CDC5L: variants seen among roughly 807,000 people sequenced by gnomAD.
CDC5L encodes the protein cell division cycle 5-like protein.
In CDC5L, 18 loss-of-function variants were observed where a neutral mutation model predicts 104.1. The ratio of observed to expected loss-of-function variants is 0.17; its 90% CI spans 0.12 to 0.26. The LOEUF is 0.26. Ranked by LOEUF, CDC5L falls within the 10% of genes least tolerant of loss-of-function variation. The pLI, the probability that CDC5L is intolerant of heterozygous loss-of-function variation, is 1.00. For missense variants in CDC5L, 673 were observed against 956.9 expected (o/e 0.70, Z 3.91); for synonymous variants, 331 against 322.7 (o/e 1.03, Z -0.28).
chr6:44,399,843 C>T (rs1028127398), intron 5 of CDC5L, among the ~76,000 whole-genome samples: 3 of 151,852 alleles, frequency 2.0e-5, no homozygotes, highest in Non-Finnish European at 4.4e-5. Flanking sequence ...TTAGTAGAGA[C>T]GGTTTCACCA....
chr6:44,443,539 T>C (rs1364397315), intron 14 of CDC5L, among the ~76,000 whole-genome samples: 5 of 151,720 alleles, frequency 3.3e-5, no homozygotes, highest in Non-Finnish European at 7.4e-5. Flanking sequence ...TTATTTTTTC[T>C]TTTTGCTCCT....
rs76639349 is a variant in CDC5L at position 44,390,183 on chromosome 6, A to G, written c.46-85A>G. On this transcript the variant is annotated intron_variant, in intron 1 of 15. Transcript: ENST00000371477. The stretch of plus-strand genomic sequence containing the variant: ...TGCATGTTATATGTCTCTTTCTCCA[A>G]TAGCCCTATCAGAGTTAATTTAAAT... 234 of 784,366 alleles carry G rather than the reference A, an allele frequency of 3.0e-4. 2 individuals carry two copies. The East Asian group carries it at 5.2e-3, about 17-fold the overall frequency. 48.6% of individuals were successfully genotyped at this position (784,366 alleles called of 1,614,324 possible). A position where few individuals can be genotyped will look rare whatever the true frequency, so the allele number is the denominator to read the frequency against.
chr6:44,424,757 TACTC>T (rs771446032), intron 11 of CDC5L, among the ~76,000 whole-genome samples, 174 bp downstream of exon 11: 29 of 152,346 alleles, frequency 1.9e-4, no homozygotes, highest in African/African-American at 5.8e-4. Context: ...ATAATTAACA[TACTC>T]ACAATATTTT....
chr6:44,411,637 A>AGAGAGAGAGAGAGAGTGTGTGT, intron 8 of CDC5L, among the ~76,000 whole-genome samples: 1 of 123,642 alleles, frequency 8.1e-6, no homozygotes, highest in African/African-American at 3.0e-5. Context: ...AGAGAGAGAG[A>AGAGAGAGAGAGAGAGTGTGTGT]GTGTGTGTGT....
intron 13 of CDC5L, among the ~76,000 whole-genome samples, chr6:44,428,574 A>G (rs553342210): frequency 1.3e-5 from 2 of 152,264 alleles, no homozygotes; most frequent in East Asian, 3.9e-4. Flanking sequence ...CAGCATCATC[A>G]TTGCTTGGAA....
chr6:44,446,500 C>G (rs1793459181), intron 15 of CDC5L, 107 bp from the exon 16 acceptor site: 1 of 521,420 alleles, frequency 1.9e-6, no homozygotes, highest in Admixed American at 3.6e-5. Context: ...ATATTTAACT[C>G]TTAAGAATCA....
At chr6:44,419,906 G>C (rs1337524874) in intron 9 of CDC5L, among the ~76,000 whole-genome samples, 1 of 152,106 alleles carries the variant, frequency 6.6e-6, no homozygotes, top group Non-Finnish European at 1.5e-5. Flanking sequence ...CTGAGTAGCT[G>C]GGATTACAGA....
At chr6:44,406,723 G>C (rs763813216) in intron 7 of CDC5L, among the ~76,000 whole-genome samples, 1 of 152,114 alleles carries the variant, frequency 6.6e-6, no homozygotes, top group Non-Finnish European at 1.5e-5. Context: ...AGGAGTTCCT[G>C]CCCAGCATGG....
At chr6:44,446,029 C>T (rs1255931349) in intron 15 of CDC5L, among the ~76,000 whole-genome samples, 162 bp downstream of exon 15, 1 of 152,148 alleles carries the variant, frequency 6.6e-6, no homozygotes, top group Non-Finnish European at 1.5e-5. Flanking sequence ...AGAATTGCCT[C>T]TGTGTAGATG....
intron 5 of CDC5L, among the ~76,000 whole-genome samples, chr6:44,398,370 C>T (rs1790967876): frequency 1.3e-5 from 2 of 152,176 alleles, no homozygotes; most frequent in African/African-American, 4.8e-5. Flanking sequence ...GCCAGGGACA[C>T]AGCAAATGCA....
At chr6:44,435,302 T>C (rs998395364) in intron 14 of CDC5L, among the ~76,000 whole-genome samples, 2 of 151,964 alleles carry the variant, frequency 1.3e-5, no homozygotes, top group African/African-American at 4.8e-5. Context: ...CTTATAGTTT[T>C]ATAGCTTGTT....
intron 14 of CDC5L, among the ~76,000 whole-genome samples, chr6:44,433,251 G>A (rs1012964361): frequency 2.0e-5 from 3 of 152,182 alleles, no homozygotes; most frequent in Non-Finnish European, 4.4e-5. Context: ...CAAGTTCTCT[G>A]TGTTTGTGGG....
chr6:44,417,307 T>C (rs1246501434), intron 8 of CDC5L, among the ~76,000 whole-genome samples: 1 of 152,184 alleles, frequency 6.6e-6, no homozygotes, highest in African/African-American at 2.4e-5. Context: ...TCCATGAGGC[T>C]TGGGCTTTCT....
At chr6:44,436,242 G>A (rs1367380566) in intron 14 of CDC5L, among the ~76,000 whole-genome samples, 1 of 152,122 alleles carries the variant, frequency 6.6e-6, no homozygotes, top group Non-Finnish European at 1.5e-5. Context: ...ATTATACTTG[G>A]TTTGATACTA....
chr6:44,401,197 C>A (rs1321429300), intron 5 of CDC5L, among the ~76,000 whole-genome samples: 1 of 152,134 alleles, frequency 6.6e-6, no homozygotes, highest in Non-Finnish European at 1.5e-5. Flanking sequence ...TGCTTCTTCC[C>A]CAGGGCTCTG....
intron 14 of CDC5L, among the ~76,000 whole-genome samples, chr6:44,437,456 AAATT>A (rs1198006935): frequency 4.6e-5 from 7 of 152,204 alleles, no homozygotes; most frequent in Non-Finnish European, 8.8e-5. Context: ...TTATTTGGCT[AAATT>A]AATTTTTTTC....
intron 13 of CDC5L, 113 bp from the exon 14 acceptor site, chr6:44,429,600 C>T: frequency 2.3e-6 from 2 of 852,168 alleles, no homozygotes; most frequent in Non-Finnish European, 3.7e-6. Context: ...AAACAACCAA[C>T]CACATCTTGG....
intron 9 of CDC5L, among the ~76,000 whole-genome samples, chr6:44,420,192 A>G (rs901673294): frequency 6.6e-6 from 1 of 152,142 alleles, no homozygotes; most frequent in Non-Finnish European, 1.5e-5. Flanking sequence ...ATTTTAATGA[A>G]AAAGGAACCC....
intron 9 of CDC5L, 107 bp from the exon 10 acceptor site, chr6:44,422,540 C>A: frequency 1.4e-6 from 1 of 724,612 alleles, no homozygotes; most frequent in Non-Finnish European, 2.1e-6. Context: ...AATCTTTATT[C>A]TTTTTTTTTT....
Sources: gnomAD v4.1 joint callset for allele counts (sites outside exome capture counted in the v4.1 genomes callset) on GRCh38, gnomAD v4.1.1 for gene constraint, MANE v1.5 for transcripts, NCBI Gene and HGNC (gene_info 2026-07-23, HGNC 2026-07-21) for gene names.